SLC26A1: variants seen among roughly 807,000 people sequenced by gnomAD.
SLC26A1 encodes sulfate anion transporter 1.
In SLC26A1, 18 loss-of-function variants were observed where a neutral mutation model predicts 14.5. That is an observed-to-expected ratio of 1.24 (90% CI 0.86 to 1.84). The LOEUF is 1.84. SLC26A1 is among the 40% of genes most tolerant of loss of function. The pLI is 0.00. For missense variants in SLC26A1, 1,049 were observed against 1,020.0 expected (o/e 1.03, Z -0.39); for synonymous variants, 505 against 492.0 (o/e 1.03, Z -0.35).
intron 2 of SLC26A1, among the ~76,000 whole-genome samples, chr4:982,656 A>G (rs1277104677): frequency 6.6e-6 from 1 of 152,208 alleles, no homozygotes; most frequent in African/African-American, 2.4e-5. Context: ...CATTGCCCAA[A>G]AGGTGTCCCC....
rs773824452 is a variant in SLC26A1 at position 989,410 on chromosome 4, G to A, written c.1529C>T (p.Thr510Ile). The A allele has an allele frequency of 3.8e-6, 6 of 1,559,578 alleles. No individual in the cohort carries two copies. In the East Asian group the frequency reaches 7.2e-5, roughly 19 times the overall value. The change falls in exon 3 of 3, where the codon ACC (threonine) becomes ATC (isoleucine). Residue 510 changes from threonine to isoleucine, a missense_variant. By Grantham distance (89) the Thr-to-Ile change is moderately conservative. Coordinates refer to ENST00000398516, the MANE Select transcript of SLC26A1 (RefSeq NM_022042.4). The part of the protein sequence containing the change: ...SLAGRTQRPR[T>I]ALLARIGDTA... ...GTCCCCGATGCGGGCCAGCAGGGCG[G>A]TGCGTGGGCGTTGGGTGCGGCCGGC...
chr4:991,621 C>G lies in SLC26A1; in HGVS notation c.83G>C (p.Arg28Pro), dbSNP rs749486405. The stretch of plus-strand genomic sequence containing the variant: ...CCACAGCCTGGCCTTCAGCATCTCA[C>G]GCAGACCCCGGGGTGCTGGGCGCTG... ...RRQRPAPRGL[R>P]EMLKARLWCS... The change falls in exon 2 of 3, where the codon CGT (arginine) becomes CCT (proline). Residue 28 changes from arginine (R) to proline (P), a missense_variant. Physicochemically the swap from Arg to Pro is moderately radical, Grantham distance 103. Coordinates refer to ENST00000398516, the MANE Select transcript of SLC26A1 (RefSeq NM_022042.4). 3.8e-6 allele frequency: 6 copies of G among 1,585,538 alleles called. No homozygotes were observed. Among genetic ancestry groups the G allele is most frequent in the Non-Finnish European group, 5.1e-6 (6 of 1,172,122 alleles).
At chr4:979,884 A>G (rs922739582) in intron 2 of SLC26A1, among the ~76,000 whole-genome samples, 3 of 152,240 alleles carry the variant, frequency 2.0e-5, no homozygotes, top group Non-Finnish European at 4.4e-5. Context: ...TGATTTCCAG[A>G]GGCCGCACAC....
At position 989,436 on chromosome 4, in the gene SLC26A1, C is replaced by G. The variant is rs1714043769; in HGVS notation, c.1503G>C (p.Leu501=). Residue 501 remains leucine (L), a synonymous_variant, in exon 3 of 3, where the codon CTG becomes CTC. Coordinates refer to ENST00000398516, the MANE Select transcript of SLC26A1 (RefSeq NM_022042.4). ...LAGVILSLLS[L]AGRTQRPRTA... is the part of the protein sequence containing the mutation. ...TGCGTGGGCGTTGGGTGCGGCCGGC[C>G]AGGCTGAGCAGCGAGAGGATGACGC... is the stretch of plus-strand genomic sequence containing the variant. The G allele has an allele frequency of 6.4e-7, 1 of 1,554,134 alleles. No homozygotes were observed. Among genetic ancestry groups the G allele is most frequent in the Admixed American group, 1.9e-5 (1 of 51,286 alleles).
chr4:982,468 G>A (rs1713574362), intron 2 of SLC26A1, among the ~76,000 whole-genome samples: 1 of 152,226 alleles, frequency 6.6e-6, no homozygotes, highest in African/African-American at 2.4e-5. Context: ...GCGTGCGTGA[G>A]GGTACGGTGC....
intron 2 of SLC26A1, among the ~76,000 whole-genome samples, chr4:980,688 C>T (rs1258870719): frequency 1.3e-5 from 2 of 150,340 alleles, no homozygotes; most frequent in Non-Finnish European, 3.0e-5. Context: ...ATTTTTAAGA[C>T]GAAAACCAAG....
intron 2 of SLC26A1, chr4:979,529 C>T: frequency 6.2e-7 from 1 of 1,612,726 alleles, no homozygotes. Flanking sequence ...CCGGGAAGGG[C>T]ATGGTGGAGG....
Position 991,688 on chromosome 4 carries a change from CAG to C in SLC26A1, c.14_15del (p.Pro5ArgfsTer24). The C allele has an allele frequency of 3.3e-6, 5 of 1,534,374 alleles. No individual in the cohort carries two copies. Among genetic ancestry groups the C allele is most frequent in the South Asian group, 2.5e-5 (2 of 80,768 alleles). ...GGCCCTCTGCCCTGCTGCAGAGGCT[CAG>C]GGGACTCGTCCATCCTGTTGCGTCA... is the stretch of plus-strand genomic sequence containing the variant. MDES[P>X]EPLQQGRGPV... On this transcript the variant is annotated frameshift_variant, in exon 2 of 3. Transcript: ENST00000398516. LOFTEE classifies it high-confidence loss of function.
intron 2 of SLC26A1, among the ~76,000 whole-genome samples, chr4:981,450 C>T (rs73211813): frequency 0.12 from 17,815 of 151,962 alleles, 1,374 homozygotes; most frequent in Middle Eastern, 0.27. Flanking sequence ...TTAGCCCGGA[C>T]AACAGAGAGG....
At chr4:980,160 C>T (rs965200052) in intron 2 of SLC26A1, among the ~76,000 whole-genome samples, 1 of 152,148 alleles carries the variant, frequency 6.6e-6, no homozygotes. Flanking sequence ...AGCCCCTGGT[C>T]GGCCAGGACC....
At chr4:985,396 G>A (rs532482033), downstream of SLC26A1, among the ~76,000 whole-genome samples, 236 of 152,340 alleles carry the variant, frequency 1.5e-3, 1 homozygote, top group African/African-American at 5.4e-3. Context: ...TCCGTTCAGC[G>A]CTCTCCAGTT....
At chr4:991,756 A>G in intron 1 of SLC26A1, 26 bp from the exon 2 acceptor site, 1 of 1,531,814 alleles carries the variant, frequency 6.5e-7, no homozygotes, top group South Asian at 1.2e-5. Flanking sequence ...GGGCATGGTC[A>G]CAGGAGCCCC....
At chr4:987,162 C>T (rs1713791454), downstream of SLC26A1, 1 of 1,432,598 alleles carries the variant, frequency 7.0e-7, no homozygotes, top group Non-Finnish European at 9.1e-7. Context: ...TGGCCCCGGC[C>T]GAGGCCCCGC....
At position 993,322 on chromosome 4, in the gene SLC26A1, C is replaced by T. The variant is rs753617489; in HGVS notation, c.-49G>A. The T allele has an allele frequency of 1.3e-5, 2 of 152,252 alleles. No individual in the cohort carries two copies. The highest frequency in any genetic ancestry group is 2.9e-5 in the Non-Finnish European group (2 of 68,068). The allele number at this position is 152,252 out of a possible 1,614,324, so 9.4% of individuals were successfully genotyped here. ...TTACCTGAGGGAGTCCTCACAGGCGCGGAGGGCCCTGGGATGACGAGGGGC... is the reference window on the plus strand; with the variant it reads ...TTACCTGAGGGAGTCCTCACAGGCGTGGAGGGCCCTGGGATGACGAGGGGC... On this transcript the variant is annotated 5_prime_UTR_variant, in exon 1 of 3. Coordinates refer to ENST00000398516, the MANE Select transcript of SLC26A1 (RefSeq NM_022042.4).
chr4:987,126 G>C (rs1021970063), downstream of SLC26A1: 83 of 1,440,224 alleles, frequency 5.8e-5, no homozygotes, highest in Non-Finnish European at 7.4e-5. Flanking sequence ...TGGCGCTCCT[G>C]GCCTCGCTCC....
At chr4:979,487 G>A (rs1713474231) in exon 3 of SLC26A1, 1 of 1,613,882 alleles carries the variant, frequency 6.2e-7, no homozygotes, top group African/African-American at 1.3e-5. Flanking sequence ...GCTGGAAGCT[G>A]TTTCTACCCC....
At chr4:987,016 C>A, downstream of SLC26A1, 2 of 1,467,986 alleles carry the variant, frequency 1.4e-6, no homozygotes, top group Admixed American at 2.1e-5. Context: ...GGTGCGCGCC[C>A]AGACTCCGAC....
In SLC26A1 at chr4:991,115, C is replaced by G; in HGVS notation, c.576+13G>C. On this transcript the variant is annotated intron_variant, in intron 2 of 2. Transcript: ENST00000398516. ...CCCTGGGCCCCTCCCTGTGCCCAAGCAGGGCTCCTCACCTGGTAAAGCCCG... is the reference window on the plus strand; with the variant it reads ...CCCTGGGCCCCTCCCTGTGCCCAAGGAGGGCTCCTCACCTGGTAAAGCCCG... 6.6e-7 allele frequency: 1 copy of G among 1,524,460 alleles called. No homozygotes were observed. Among genetic ancestry groups the G allele is most frequent in the Non-Finnish European group, 8.8e-7 (1 of 1,135,542 alleles). 94.4% of individuals were successfully genotyped at this position (1,524,460 alleles called of 1,614,324 possible). A position where few individuals can be genotyped will look rare whatever the true frequency, so the allele number is the denominator to read the frequency against.
In SLC26A1 at chr4:988,271, T is replaced by C. The variant is rs1713905857; in HGVS notation, c.*562A>G. 1 of 1,208,872 alleles carries C rather than the reference T, an allele frequency of 8.3e-7. No homozygotes were observed. The highest frequency in any genetic ancestry group is 1.0e-6 in the Non-Finnish European group (1 of 964,456). The allele number at this position is 1,208,872 out of a possible 1,614,324, so 74.9% of individuals were successfully genotyped here. On this transcript the variant is annotated 3_prime_UTR_variant, in exon 3 of 3. Transcript: ENST00000398516. Reference sequence around the variant, plus strand: ...GGGTAGGGCCACTGCACCTGAGGGCTGAGCTGAGGTCTCATCGGTCACAGC... The same window carrying C: ...GGGTAGGGCCACTGCACCTGAGGGCCGAGCTGAGGTCTCATCGGTCACAGC...
Sources: gnomAD v4.1 joint callset for allele counts (sites outside exome capture counted in the v4.1 genomes callset) on GRCh38, gnomAD v4.1.1 for gene constraint, MANE v1.5 for transcripts, NCBI Gene and HGNC (gene_info 2026-07-23, HGNC 2026-07-21) for gene names.